The following FAM20B variants were observed in gnomAD, a reference collection of about 807,000 sequenced individuals.
FAM20B encodes the protein FAM20B glycosaminoglycan xylosylkinase.
A neutral mutation model predicts 43.8 loss-of-function variants in FAM20B; 23 were observed. The observed-to-expected ratio is 0.53, with a 90% CI of 0.38 to 0.74. The LOEUF (loss-of-function observed/expected upper bound fraction) is 0.74, where lower values mean the gene tolerates loss of function less well. FAM20B is among the 30% of genes least tolerant of loss of function. The probability of loss-of-function intolerance (pLI) is 0.00; values close to 1 mark genes in which losing one functional copy is unlikely to be tolerated. For synonymous variants in FAM20B, 178 were observed against 192.4 expected, an observed-to-expected ratio of 0.93 and a Z score of 0.62; for missense variants, 440 against 510.5, an observed-to-expected ratio of 0.86 and a Z score of 1.33.
At chr1:179,027,155 C>G (rs1043782733) in intron 1 of FAM20B, among the ~76,000 whole-genome samples, 2 of 152,096 alleles carry the variant, frequency 1.3e-5, no homozygotes, top group African/African-American at 4.8e-5. Context: ...TTTTTTTTAG[C>G]CTTTAGCCTT....
At chr1:179,038,400 AAACT>A (rs953168931) in intron 1 of FAM20B, among the ~76,000 whole-genome samples, 43 of 144,434 alleles carry the variant, frequency 3.0e-4, no homozygotes, top group South Asian at 8.9e-4. Context: ...AACACAAGCG[AAACT>A]GCATCTCAAA....
At chr1:179,042,798 T>A (rs1031620161) in intron 1 of FAM20B, among the ~76,000 whole-genome samples, 2 of 152,142 alleles carry the variant, frequency 1.3e-5, no homozygotes, top group Non-Finnish European at 2.9e-5. Flanking sequence ...AGACCCACAG[T>A]GGGTAGATCC....
chr1:179,032,700 A>G (rs762067017), intron 1 of FAM20B, among the ~76,000 whole-genome samples: 4 of 152,170 alleles, frequency 2.6e-5, no homozygotes, highest in Non-Finnish European at 4.4e-5. Flanking sequence ...AAAAATATCT[A>G]TAGATACTGA....
chr1:179,040,983 G>T (rs1358328251), intron 1 of FAM20B, among the ~76,000 whole-genome samples: 9 of 143,446 alleles, frequency 6.3e-5, no homozygotes, highest in African/African-American at 2.4e-4. Flanking sequence ...GACGGGGCCG[G>T]CGGGCAGAGG....
chr1:179,068,980 T>C lies in FAM20B; in HGVS notation c.998+2121T>C, dbSNP rs114066482. Among the ~76,000 whole-genome samples the C allele has an allele frequency of 6.7e-3, 1,026 of 152,278 alleles. 11 individuals are homozygous for C. Among genetic ancestry groups the C allele is most frequent in the African/African-American group, 0.024 (978 of 41,550 alleles). On this transcript the variant is annotated intron_variant, in intron 7 of 7. Coordinates refer to ENST00000263733, the MANE Select transcript of FAM20B (RefSeq NM_014864.4). ...TACATTCAAGCCACAGCTGGTGTCA[T>C]GACATGCAGAAGGAGAGAGAGAATC...
At position 179,075,203 on chromosome 1, in the gene FAM20B, A is replaced by C. The variant is rs952821617; in HGVS notation, c.*3059A>C. 4 of 152,008 alleles carry C rather than the reference A, an allele frequency of 2.6e-5. No homozygotes were observed. The highest frequency in any genetic ancestry group is 9.7e-5 in the African/African-American group (4 of 41,376). The allele number at this position is 152,008 out of a possible 1,614,324, so 9.4% of individuals were successfully genotyped here. ...CGAGACTCTGTCTTAAAAAAAAAAA[A>C]AGGAGGTGAATTTTTTTTTAAGTTT... On this transcript the variant is annotated 3_prime_UTR_variant, in exon 8 of 8. Transcript: ENST00000263733.
At chr1:179,030,780 C>T (rs1047633704) in intron 1 of FAM20B, among the ~76,000 whole-genome samples, 1 of 151,836 alleles carries the variant, frequency 6.6e-6, no homozygotes, top group Non-Finnish European at 1.5e-5. Context: ...ATGCCTCTTA[C>T]AGGCCCTGCA....
At chr1:179,036,461 CG>C (rs2102487932) in intron 1 of FAM20B, among the ~76,000 whole-genome samples, 1 of 152,158 alleles carries the variant, frequency 6.6e-6, no homozygotes, top group African/African-American at 2.4e-5. Context: ...AAGCATGTAT[CG>C]GAGGAGCTGA....
intron 4 of FAM20B, among the ~76,000 whole-genome samples, chr1:179,058,586 C>G (rs1359095625): frequency 2.0e-5 from 3 of 152,144 alleles, no homozygotes; most frequent in Admixed American, 2.0e-4. Flanking sequence ...ACTGAAGGGC[C>G]TGTGTACCAT....
At chr1:179,042,263 T>C (rs1650580691) in intron 1 of FAM20B, among the ~76,000 whole-genome samples, 1 of 152,190 alleles carries the variant, frequency 6.6e-6, no homozygotes, top group South Asian at 2.1e-4. Context: ...CAAGCTAGCA[T>C]GGGGTCTGGC....
intron 7 of FAM20B, among the ~76,000 whole-genome samples, chr1:179,068,179 T>A (rs941273440): frequency 6.6e-6 from 1 of 152,184 alleles, no homozygotes; most frequent in Non-Finnish European, 1.5e-5. Context: ...CCCAGCAACA[T>A]CATATCACAT....
intron 7 of FAM20B, among the ~76,000 whole-genome samples, chr1:179,071,495 G>A (rs929306708): frequency 2.6e-5 from 4 of 152,104 alleles, no homozygotes; most frequent in Admixed American, 2.0e-4. Context: ...AGTGAAACAG[G>A]TTTTTCCTCC....
At chr1:179,037,941 A>C (rs530940005) in intron 1 of FAM20B, among the ~76,000 whole-genome samples, 48 of 152,318 alleles carry the variant, frequency 3.2e-4, no homozygotes, top group Non-Finnish European at 5.4e-4. Context: ...GTGGGATTGG[A>C]CCGTTTTTCT....
intron 1 of FAM20B, among the ~76,000 whole-genome samples, chr1:179,038,398 C>T (rs1028773230): frequency 7.5e-5 from 10 of 133,490 alleles, no homozygotes; most frequent in Non-Finnish European, 1.1e-4. Context: ...GCAACACAAG[C>T]GAAACTGCAT....
intron 1 of FAM20B, among the ~76,000 whole-genome samples, chr1:179,041,640 GGGGAGAC>G (rs1251051869): frequency 2.4e-5 from 3 of 123,420 alleles, no homozygotes; most frequent in African/African-American, 1.1e-4. Context: ...GGGAGACCGT[GGGGAGAC>G]GGGAGACGGG....
At chr1:179,062,990 G>C (rs932124050) in intron 4 of FAM20B, among the ~76,000 whole-genome samples, 4 of 151,976 alleles carry the variant, frequency 2.6e-5, no homozygotes, top group African/African-American at 9.7e-5. Context: ...ATTAAAGTGA[G>C]TTCAGGCCGG....
At chr1:179,041,646 A>AGGGAG (rs1650542240) in intron 1 of FAM20B, among the ~76,000 whole-genome samples, 1 of 146,002 alleles carries the variant, frequency 6.8e-6, no homozygotes, top group African/African-American at 2.6e-5. Flanking sequence ...CCGTGGGGAG[A>AGGGAG]CGGGAGACGG....
intron 1 of FAM20B, among the ~76,000 whole-genome samples, chr1:179,032,088 C>T (rs1029397131): frequency 2.0e-5 from 3 of 152,288 alleles, no homozygotes; most frequent in South Asian, 2.1e-4. Flanking sequence ...TACAAGACTA[C>T]TAATTACTAC....
intron 1 of FAM20B, among the ~76,000 whole-genome samples, chr1:179,030,024 G>A (rs1290522916): frequency 6.6e-6 from 1 of 152,178 alleles, no homozygotes; most frequent in Non-Finnish European, 1.5e-5. Flanking sequence ...TCTTTCAGTG[G>A]TGGAAAGCTG....
Sources: gnomAD v4.1 joint callset for allele counts (sites outside exome capture counted in the v4.1 genomes callset) on GRCh38, gnomAD v4.1.1 for gene constraint, MANE v1.5 for transcripts, NCBI Gene and HGNC (gene_info 2026-07-23, HGNC 2026-07-21) for gene names.